Variants in WASF3 observed in about 807,000 individuals in gnomAD.
WASF3 encodes the protein WASP family member 3, also known as actin-binding protein WASF3.
A neutral mutation model predicts 46.6 loss-of-function variants in WASF3; 11 were observed. That is an observed-to-expected ratio of 0.24 (90% CI 0.15 to 0.39). WASF3 has a LOEUF of 0.39. Ranked by LOEUF, WASF3 falls within the 10% of genes least tolerant of loss-of-function variation. WASF3 has a pLI of 1.00. For missense variants in WASF3, 576 were observed against 669.8 expected, an observed-to-expected ratio of 0.86 and a Z score of 1.55; for synonymous variants, 242 against 259.7, an observed-to-expected ratio of 0.93 and a Z score of 0.65.
intron 1 of WASF3, among the ~76,000 whole-genome samples, chr13:26,581,560 A>C (rs1252943708): frequency 6.6e-6 from 1 of 152,110 alleles, no homozygotes; most frequent in East Asian, 1.9e-4. Context: ...TGTTCCAATC[A>C]GAGCAACTCC....
intron 1 of WASF3, chr13:26,577,160 A>G: frequency 1.3e-6 from 1 of 763,314 alleles, no homozygotes. Flanking sequence ...GAAGATGTTC[A>G]GGGCAAAAAC....
chr13:26,562,579 A>G (rs1380745135), intron 1 of WASF3, among the ~76,000 whole-genome samples: 1 of 152,078 alleles, frequency 6.6e-6, no homozygotes. Flanking sequence ...GAGCATGTTT[A>G]AATGCTGGTA....
intron 1 of WASF3, among the ~76,000 whole-genome samples, chr13:26,585,209 A>G (rs1880095286): frequency 1.3e-5 from 2 of 151,620 alleles, no homozygotes; most frequent in Admixed American, 6.6e-5. Context: ...AATACCAGCT[A>G]TGGATAAAGG....
At chr13:26,654,401 T>C (rs665816) in intron 3 of WASF3, among the ~76,000 whole-genome samples, 43,217 of 152,052 alleles carry the variant, frequency 0.28, 6,586 homozygotes, top group East Asian at 0.57. Context: ...TCCACTCTGT[T>C]CTCTATAAAA....
intron 1 of WASF3, among the ~76,000 whole-genome samples, chr13:26,598,236 A>G (rs1354370202): frequency 6.6e-6 from 1 of 152,014 alleles, no homozygotes; most frequent in Non-Finnish European, 1.5e-5. Context: ...GCGTTTTTTC[A>G]TGTGTCTTTT....
chr13:26,642,434 C>T (rs1287013236), intron 3 of WASF3, 31 bp downstream of exon 3: 2 of 1,555,068 alleles, frequency 1.3e-6, no homozygotes, highest in Non-Finnish European at 8.7e-7. Context: ...TTACCAATGA[C>T]ATTAACTTTT....
intron 1 of WASF3, among the ~76,000 whole-genome samples, chr13:26,606,121 C>T (rs1037290163): frequency 6.6e-5 from 10 of 152,012 alleles, no homozygotes; most frequent in South Asian, 2.1e-4. Flanking sequence ...ATGAGGTAGA[C>T]GGCTCTTCCC....
At chr13:26,572,635 G>A (rs1399392473) in intron 1 of WASF3, among the ~76,000 whole-genome samples, 1 of 151,926 alleles carries the variant, frequency 6.6e-6, no homozygotes, top group Non-Finnish European at 1.5e-5. Context: ...GCACGATCTC[G>A]GCTCACTGCA....
chr13:26,545,771 T>A, the WASF3 span, among the ~76,000 whole-genome samples: 4 of 152,164 alleles, frequency 2.6e-5, no homozygotes, highest in East Asian at 7.7e-4. Context: ...TGCAGTTACT[T>A]TTTAAAATTT....
intron 2 of WASF3, among the ~76,000 whole-genome samples, chr13:26,636,159 G>A (rs1881811737): frequency 6.6e-6 from 1 of 152,244 alleles, no homozygotes; most frequent in Admixed American, 6.5e-5. Context: ...AGCTGTGGTG[G>A]GCTCCGCCCA....
At chr13:26,669,356 T>C (rs1192025831) in intron 5 of WASF3, among the ~76,000 whole-genome samples, 1 of 148,614 alleles carries the variant, frequency 6.7e-6, no homozygotes, top group Non-Finnish European at 1.5e-5. Flanking sequence ...GACTTTTTAA[T>C]AGTGTGTTTA....
chr13:26,572,821 G>A (rs1367937759), intron 1 of WASF3, among the ~76,000 whole-genome samples: 1 of 152,138 alleles, frequency 6.6e-6, no homozygotes, highest in African/African-American at 2.4e-5. Context: ...CCAAAGTGCT[G>A]GGATTACAGG....
At chr13:26,564,935 T>C (rs143772746) in intron 1 of WASF3, among the ~76,000 whole-genome samples, 117 of 149,510 alleles carry the variant, frequency 7.8e-4, no homozygotes, top group African/African-American at 2.8e-3. Context: ...CCTGTTTTGT[T>C]ACATAGTCCT....
intron 1 of WASF3, among the ~76,000 whole-genome samples, chr13:26,558,575 C>A (rs1034419591): frequency 6.6e-6 from 1 of 152,110 alleles, no homozygotes; most frequent in African/African-American, 2.4e-5. Flanking sequence ...GTGGTGCTGA[C>A]GTGCAATGGC....
intron 3 of WASF3, among the ~76,000 whole-genome samples, chr13:26,646,701 G>A (rs1024288769): frequency 4.6e-5 from 7 of 152,146 alleles, no homozygotes; most frequent in African/African-American, 1.7e-4. Context: ...TTAGGGATTT[G>A]CCTTGAGCCT....
intron 1 of WASF3, among the ~76,000 whole-genome samples, chr13:26,597,388 G>T (rs753371994): frequency 6.6e-6 from 1 of 152,192 alleles, no homozygotes; most frequent in Non-Finnish European, 1.5e-5. Flanking sequence ...GCCCGCCTGG[G>T]CCTCCGAAAG....
rs150623658 is a variant in WASF3, at chr13:26,643,582, C to T, written c.133+1179C>T. Among the ~76,000 whole-genome samples, 708 of 152,214 alleles carry T rather than the reference C, an allele frequency of 4.7e-3. 9 individuals are homozygous for T. Among genetic ancestry groups the T allele is most frequent in the African/African-American group, 0.016 (674 of 41,534 alleles). ...GGTAATTGATAAAAATATACAAATT[C>T]ACATAATTACATGAAGACTGCTTGT... On this transcript the variant is annotated intron_variant, in intron 3 of 9. Coordinates refer to ENST00000335327, the MANE Select transcript of WASF3 (RefSeq NM_006646.6).
chr13:26,589,831 A>C (rs1252462798), intron 1 of WASF3, among the ~76,000 whole-genome samples: 1 of 152,114 alleles, frequency 6.6e-6, no homozygotes, highest in African/African-American at 2.4e-5. Context: ...CAATTTGACT[A>C]GATGTATCTG....
Position 26,671,933 on chromosome 13 carries a change from A to G in WASF3, c.484A>G (p.Lys162Glu), listed in dbSNP as rs1216862679. The G allele has an allele frequency of 6.2e-7, 1 of 1,611,278 alleles. No individual in the cohort carries two copies. Residue 162 changes from lysine (K) to glutamate (E), a missense_variant, in exon 6 of 10, where the codon AAA (lysine) becomes GAA (glutamate). Lys to Glu is a moderately conservative substitution (Grantham distance 56, BLOSUM62 1). This residue lies in a region of WASF3 where 213 missense variants were observed against 278.0 expected (regional missense o/e 0.77). Coordinates refer to ENST00000335327, the MANE Select transcript of WASF3 (RefSeq NM_006646.6). Reference protein sequence around the residue: ...TDPSYFFDLWKEKMLQDTEDK... With the variant: ...TDPSYFFDLWEEKMLQDTEDK... ...TCCTTCCTATTTCTTTGACCTCTGG[A>G]AAGAAAAAATGCTACAGGACACAGA...
Sources: allele counts gnomAD v4.1 joint callset (sites outside exome capture counted in the v4.1 genomes callset), GRCh38; gene constraint gnomAD v4.1.1; regional missense constraint gnomAD v4.1.1; transcripts MANE v1.5; gene names NCBI Gene and HGNC (gene_info 2026-07-23, HGNC 2026-07-21).